Variants in ELP1 observed in about 807,000 individuals in gnomAD.
The protein encoded by ELP1 is elongator complex protein 1.
Under a neutral mutation model 183.2 loss-of-function variants are expected in ELP1, and 131 were observed. The ratio of observed to expected loss-of-function variants is 0.72; its 90% CI spans 0.62 to 0.83. The LOEUF is 0.83. Ranked by LOEUF, ELP1 falls within the 40% of genes least tolerant of loss-of-function variation. ELP1 has a pLI of 0.00. For missense variants in ELP1, 1,550 were observed against 1,594.9 expected (o/e 0.97, Z 0.48); for synonymous variants, 555 against 569.0 (o/e 0.98, Z 0.35).
intron 33 of ELP1, among the ~76,000 whole-genome samples, 162 bp from the exon 34 acceptor site, chr9:108,878,912 T>C (rs1398352224): frequency 6.6e-6 from 1 of 152,228 alleles, no homozygotes. Flanking sequence ...GAATATATAA[T>C]CTTGCATTGC....
chr9:108,902,990 C>T, intron 15 of ELP1, 48 bp from the exon 16 acceptor site: 2 of 1,388,798 alleles, frequency 1.4e-6, no homozygotes, highest in Non-Finnish European at 2.0e-6. Context: ...GCGCTCTTTG[C>T]AAAAAACCAT....
At chr9:108,921,038 AAC>A (rs528623225) in intron 6 of ELP1, among the ~76,000 whole-genome samples, 244 of 152,302 alleles carry the variant, frequency 1.6e-3, no homozygotes, top group African/African-American at 5.8e-3. Flanking sequence ...ACTATTTTTT[AAC>A]ACCTTTACTG....
rs777540385 is a variant in ELP1 at position 108,917,667 on chromosome 9, G to A, written c.744C>T (p.Pro248=). The change falls in exon 9 of 37, where the codon CCC becomes CCT. Residue 248 remains proline, a synonymous_variant. Coordinates refer to ENST00000374647, the MANE Select transcript of ELP1 (RefSeq NM_003640.5). ...AGLGPALAWK[P]SGSLIASTQD... ...GTGTAGATGCAATCAAACTGCCTGA[G>A]GGTCTTAAAGCAAACTCAGAGTGTT... 6.2e-7 allele frequency: 1 copy of A among 1,611,164 alleles called. No individual in the cohort carries two copies. The highest frequency in any genetic ancestry group is 1.1e-5 in the South Asian group (1 of 91,030).
chr9:108,888,001 C>T (rs1828193377), intron 29 of ELP1, among the ~76,000 whole-genome samples: 3 of 152,170 alleles, frequency 2.0e-5, no homozygotes, highest in Admixed American at 2.0e-4. Flanking sequence ...TTCATAATAA[C>T]CCCAAACTGA....
chr9:108,915,656 C>T, intron 10 of ELP1, among the ~76,000 whole-genome samples: 1 of 151,806 alleles, frequency 6.6e-6, no homozygotes, highest in Non-Finnish European at 1.5e-5. Context: ...ACTCTCTCTC[C>T]CTCCCGCCCC....
chr9:108,924,703 G>A (rs1001999591), intron 5 of ELP1, among the ~76,000 whole-genome samples: 9 of 152,150 alleles, frequency 5.9e-5, no homozygotes, highest in Non-Finnish European at 1.0e-4. Flanking sequence ...CATAGCTCTG[G>A]CCTCTCCTGA....
At chr9:108,876,484 C>T (rs747554344) in intron 35 of ELP1, among the ~76,000 whole-genome samples, 2 of 152,098 alleles carry the variant, frequency 1.3e-5, no homozygotes, top group Admixed American at 6.6e-5. Context: ...AGTCTTATGC[C>T]CATTTCTAAA....
intron 1 of ELP1, among the ~76,000 whole-genome samples, chr9:108,932,468 A>C (rs1435262280): frequency 1.3e-5 from 2 of 152,016 alleles, no homozygotes; most frequent in African/African-American, 4.8e-5. Context: ...CAGCCTCCGG[A>C]GTAGCTGGGA....
chr9:108,879,770 G>A (rs1269338292), intron 32 of ELP1, among the ~76,000 whole-genome samples: 1 of 152,192 alleles, frequency 6.6e-6, no homozygotes, highest in Non-Finnish European at 1.5e-5. Flanking sequence ...TTCTGGAAAT[G>A]AGGAAACTCA....
intron 31 of ELP1, 28 bp from the exon 32 acceptor site, chr9:108,880,193 G>T: frequency 6.9e-7 from 1 of 1,446,688 alleles, no homozygotes; most frequent in South Asian, 1.1e-5. Flanking sequence ...AAAATAGTTT[G>T]AGCATGAGGT....
intron 24 of ELP1, 43 bp from the exon 25 acceptor site, chr9:108,896,687 G>T: frequency 6.3e-7 from 1 of 1,594,318 alleles, no homozygotes; most frequent in Non-Finnish European, 8.6e-7. Flanking sequence ...ATCATTTGGG[G>T]AAAAAATCCA....
chr9:108,924,287 C>T lies in ELP1; in HGVS notation c.467-1360G>A, dbSNP rs531970676. On this transcript the variant is annotated intron_variant, in intron 5 of 36. Coordinates refer to ENST00000374647, the MANE Select transcript of ELP1 (RefSeq NM_003640.5). ...AGAATTGAGCAGCTGCAACACAGAT[C>T]ATACAGCCTGCAAAGCTGAACATAT... Among the ~76,000 whole-genome samples the T allele has an allele frequency of 3.9e-5, 6 of 152,242 alleles. No individual in the cohort carries two copies. The South Asian group carries it at 6.2e-4, about 16-fold the overall frequency.
intron 8 of ELP1, among the ~76,000 whole-genome samples, chr9:108,917,968 TAA>T (rs1453634339): frequency 6.6e-6 from 1 of 152,150 alleles, no homozygotes; most frequent in Non-Finnish European, 1.5e-5. Context: ...TTAAAAATAA[TAA>T]GTTATCTAAA....
chr9:108,908,267 A>T (rs746679011), intron 13 of ELP1, 38 bp downstream of exon 13: 1 of 1,477,824 alleles, frequency 6.8e-7, no homozygotes, highest in Non-Finnish European at 9.5e-7. Flanking sequence ...ATGCTGGCTG[A>T]TTCTGTTCCC....
intron 36 of ELP1, among the ~76,000 whole-genome samples, chr9:108,872,655 A>G (rs1827505601): frequency 6.6e-6 from 1 of 151,298 alleles, no homozygotes; most frequent in Non-Finnish European, 1.5e-5. Context: ...ATACAAAAAA[A>G]TTAGCCGGGC....
chr9:108,902,776 A>C, intron 16 of ELP1, 63 bp downstream of exon 16: 1 of 1,237,922 alleles, frequency 8.1e-7, no homozygotes, highest in Non-Finnish European at 1.2e-6. Context: ...CGCTCTTTCT[A>C]CTTAATGCCA....
At chr9:108,893,499 C>T (rs1425630534) in intron 26 of ELP1, among the ~76,000 whole-genome samples, 2 of 152,158 alleles carry the variant, frequency 1.3e-5, no homozygotes, top group Non-Finnish European at 2.9e-5. Flanking sequence ...AGTAAAGAAT[C>T]ACAACTGTTC....
chr9:108,899,920 T>C, intron 19 of ELP1, 25 bp from the exon 20 acceptor site: 2 of 1,585,234 alleles, frequency 1.3e-6, no homozygotes, highest in Non-Finnish European at 1.7e-6. Context: ...AGCAGTAACA[T>C]TTTTAATTAA....
At chr9:108,912,518 GC>G in intron 10 of ELP1, 24 bp from the exon 11 acceptor site, 1 of 1,552,472 alleles carries the variant, frequency 6.4e-7, no homozygotes, top group Non-Finnish European at 8.9e-7. Context: ...TGAAAAGAAG[GC>G]CGTTAGAGGC....
Sources: gnomAD v4.1 joint callset for allele counts (sites outside exome capture counted in the v4.1 genomes callset) on GRCh38, gnomAD v4.1.1 for gene constraint, MANE v1.5 for transcripts, NCBI Gene and HGNC (gene_info 2026-07-23, HGNC 2026-07-21) for gene names.